VPS13B: variants seen among roughly 807,000 people sequenced by gnomAD.
VPS13B encodes the protein intermembrane lipid transfer protein VPS13B.
Under a neutral mutation model 426.4 loss-of-function variants are expected in VPS13B, and 285 were observed. That is an observed-to-expected ratio of 0.67 (90% confidence interval 0.61 to 0.74). The LOEUF is 0.74. Among genes scored for constraint, VPS13B ranks in the 30% least tolerant of loss-of-function variants. VPS13B has a pLI of 0.00. For missense variants in VPS13B, 4,537 were observed against 4,782.6 expected, an observed-to-expected ratio of 0.95 and a Z score of 1.51; for synonymous variants, 1,676 against 1,676.4, an observed-to-expected ratio of 1.00 and a Z score of 0.01.
intron 3 of VPS13B, among the ~76,000 whole-genome samples, chr8:99,094,611 A>G (rs985898796): frequency 2.6e-5 from 4 of 152,128 alleles, no homozygotes; most frequent in Non-Finnish European, 5.9e-5. Context: ...TATCACTACC[A>G]TCTGAAGCCA....
At chr8:99,170,483 G>A (rs566050400) in intron 16 of VPS13B, among the ~76,000 whole-genome samples, 14 of 151,714 alleles carry the variant, frequency 9.2e-5, no homozygotes, top group African/African-American at 3.1e-4. Flanking sequence ...TGGGTATAAA[G>A]ATTTTAAAAA....
intron 39 of VPS13B, among the ~76,000 whole-genome samples, chr8:99,745,380 C>T (rs1187826443): frequency 6.6e-6 from 1 of 152,044 alleles, no homozygotes; most frequent in Non-Finnish European, 1.5e-5. Flanking sequence ...AATAATCTCC[C>T]TTTATCCATG....
chr8:99,188,227 T>G (rs1813333280), intron 16 of VPS13B, among the ~76,000 whole-genome samples: 1 of 152,084 alleles, frequency 6.6e-6, no homozygotes, highest in Non-Finnish European at 1.5e-5. Flanking sequence ...ATTCACAGTT[T>G]TGTGCAGTCA....
At chr8:99,557,972 G>C (rs1402275642) in intron 31 of VPS13B, among the ~76,000 whole-genome samples, 1 of 152,108 alleles carries the variant, frequency 6.6e-6, no homozygotes, top group African/African-American at 2.4e-5. Flanking sequence ...CCTGTTGCTT[G>C]TAACATACCG....
intron 2 of VPS13B, among the ~76,000 whole-genome samples, chr8:99,028,902 G>A (rs1470475226): frequency 9.3e-5 from 8 of 86,470 alleles, no homozygotes; most frequent in Admixed American, 3.5e-4. Flanking sequence ...CCTCCCGGAC[G>A]GGGTGGCTGC....
At chr8:99,060,464 C>T (rs1157663110) in intron 3 of VPS13B, among the ~76,000 whole-genome samples, 1 of 151,924 alleles carries the variant, frequency 6.6e-6, no homozygotes, top group Non-Finnish European at 1.5e-5. Context: ...CAAAAATTAG[C>T]CGGGTGTGGT....
chr8:99,592,408 A>G (rs1826736562), intron 33 of VPS13B, among the ~76,000 whole-genome samples: 1 of 151,974 alleles, frequency 6.6e-6, no homozygotes, highest in Admixed American at 6.6e-5. Flanking sequence ...TCTGGTTTTT[A>G]GAAATTTCAG....
At chr8:99,230,251 C>T (rs926525810) in intron 17 of VPS13B, among the ~76,000 whole-genome samples, 2 of 152,042 alleles carry the variant, frequency 1.3e-5, no homozygotes, top group African/African-American at 4.8e-5. Context: ...GCATTTTAAA[C>T]TCTTCATGTG....
chr8:99,733,291 T>G (rs1006669434), intron 39 of VPS13B, among the ~76,000 whole-genome samples: 1 of 152,164 alleles, frequency 6.6e-6, no homozygotes, highest in Non-Finnish European at 1.5e-5. Flanking sequence ...AGAAAAACAA[T>G]GTCGTCCAGC....
chr8:99,505,649 TATA>T (rs1344180848), intron 27 of VPS13B, among the ~76,000 whole-genome samples: 2 of 152,040 alleles, frequency 1.3e-5, no homozygotes, highest in African/African-American at 4.8e-5. Context: ...CCATAACAGA[TATA>T]ATAATAATGA....
At chr8:99,152,968 G>A (rs146585965) in intron 14 of VPS13B, among the ~76,000 whole-genome samples, 1 of 152,238 alleles carries the variant, frequency 6.6e-6, no homozygotes, top group East Asian at 1.9e-4. Flanking sequence ...CTTGAGCCCA[G>A]GAGTTTGAGA....
chr8:99,095,666 A>G (rs1259525683), intron 3 of VPS13B, among the ~76,000 whole-genome samples: 1 of 152,220 alleles, frequency 6.6e-6, no homozygotes, highest in Non-Finnish European at 1.5e-5. Context: ...TAAGAGTATT[A>G]TATACATGTT....
At chr8:99,056,877 A>G (rs1843905266) in intron 3 of VPS13B, among the ~76,000 whole-genome samples, 2 of 152,162 alleles carry the variant, frequency 1.3e-5, no homozygotes, top group South Asian at 4.1e-4. Context: ...CTAATTATTT[A>G]GATTCCTTTG....
intron 30 of VPS13B, among the ~76,000 whole-genome samples, chr8:99,531,664 A>G (rs1253923651): frequency 1.3e-5 from 2 of 152,106 alleles, no homozygotes; most frequent in Admixed American, 6.5e-5. Flanking sequence ...TATTTTTTAT[A>G]TAGCAAAATT....
intron 30 of VPS13B, among the ~76,000 whole-genome samples, chr8:99,541,692 T>TG (rs1284648899): frequency 3.3e-5 from 5 of 152,190 alleles, no homozygotes; most frequent in African/African-American, 9.7e-5. Context: ...GTGGATAAGA[T>TG]GGGGAAAAAG....
At chr8:99,705,372 A>G (rs1832458869) in intron 36 of VPS13B, among the ~76,000 whole-genome samples, 1 of 152,160 alleles carries the variant, frequency 6.6e-6, no homozygotes, top group East Asian at 1.9e-4. Context: ...TGTATGAGAT[A>G]CTGTAATTCT....
intron 33 of VPS13B, among the ~76,000 whole-genome samples, chr8:99,609,699 T>C (rs554832222): frequency 2.6e-5 from 4 of 152,326 alleles, no homozygotes; most frequent in African/African-American, 9.6e-5. Flanking sequence ...AAAAAGATGT[T>C]TATTAATGGG....
chr8:99,245,872 C>T (rs1023974800), intron 17 of VPS13B, among the ~76,000 whole-genome samples: 10 of 152,100 alleles, frequency 6.6e-5, no homozygotes, highest in Non-Finnish European at 8.8e-5. Context: ...ATAGACAAAG[C>T]GGTATGATTA....
chr8:99,591,013 G>A (rs1002856344), intron 33 of VPS13B, among the ~76,000 whole-genome samples: 1 of 151,770 alleles, frequency 6.6e-6, no homozygotes, highest in African/African-American at 2.4e-5. Flanking sequence ...TATGAATCTG[G>A]GTGCTCATGT....
Sources: allele counts gnomAD v4.1 joint callset (sites outside exome capture counted in the v4.1 genomes callset), GRCh38; gene constraint gnomAD v4.1.1; transcripts MANE v1.5; gene names NCBI Gene and HGNC (gene_info 2026-07-23, HGNC 2026-07-21).